Variants in ASAP2 observed in about 807,000 individuals in gnomAD.
ASAP2 encodes the protein arf-GAP with SH3 domain, ANK repeat and PH domain-containing protein 2.
Under a neutral mutation model 131.4 loss-of-function variants are expected in ASAP2, and 45 were observed. That is an observed-to-expected ratio of 0.34 (90% CI 0.27 to 0.44). The LOEUF (loss-of-function observed/expected upper bound fraction) is 0.44, where lower values mean the gene tolerates loss of function less well. Ranked by LOEUF, ASAP2 falls within the 20% of genes least tolerant of loss-of-function variation. ASAP2 has a pLI of 1.00. For synonymous variants in ASAP2, 510 were observed against 503.0 expected (o/e 1.01, Z -0.19); for missense variants, 1,011 against 1,297.0 (o/e 0.78, Z 3.39).
intron 1 of ASAP2, among the ~76,000 whole-genome samples, chr2:9,269,684 C>T (rs750289996): frequency 1.3e-4 from 20 of 152,240 alleles, no homozygotes; most frequent in African/African-American, 2.9e-4. Context: ...TGGGGACATT[C>T]AGAGGCCACT....
At chr2:9,348,916 G>A (rs560416457) in intron 11 of ASAP2, among the ~76,000 whole-genome samples, 5 of 152,244 alleles carry the variant, frequency 3.3e-5, no homozygotes, top group African/African-American at 9.6e-5. Context: ...GGATACCCAC[G>A]TCGAGGACAG....
intron 1 of ASAP2, among the ~76,000 whole-genome samples, chr2:9,233,410 T>G (rs1663305052): frequency 6.6e-6 from 1 of 152,246 alleles, no homozygotes; most frequent in Admixed American, 6.5e-5. Context: ...TTCTTTAGTG[T>G]TTTATAATCT....
intron 3 of ASAP2, among the ~76,000 whole-genome samples, chr2:9,316,447 A>G (rs1165741532): frequency 3.3e-5 from 5 of 152,172 alleles, no homozygotes; most frequent in Non-Finnish European, 7.3e-5. Context: ...GTATGAATGA[A>G]TACATAAGGT....
intron 12 of ASAP2, 38 bp from the exon 13 acceptor site, chr2:9,356,009 T>C (rs753179223): frequency 6.2e-7 from 1 of 1,609,858 alleles, no homozygotes; most frequent in African/African-American, 1.3e-5. Flanking sequence ...TATGGATTGC[T>C]GTCTGGGCTC....
intron 14 of ASAP2, among the ~76,000 whole-genome samples, chr2:9,357,548 AT>A (rs1672802815): frequency 6.6e-6 from 1 of 152,316 alleles, no homozygotes; most frequent in East Asian, 1.9e-4. Flanking sequence ...TAAGTAGTGA[AT>A]CATGGTCTTT....
intron 23 of ASAP2, among the ~76,000 whole-genome samples, chr2:9,391,821 G>T (rs150888713): frequency 6.6e-6 from 1 of 151,534 alleles, no homozygotes; most frequent in East Asian, 1.9e-4. Context: ...CTGACCTCAG[G>T]TGATCCACCT....
intron 2 of ASAP2, among the ~76,000 whole-genome samples, chr2:9,293,151 CTCTAAACTCTGTATGTACACAT>C (rs1470553584): frequency 6.6e-6 from 1 of 152,174 alleles, no homozygotes; most frequent in Admixed American, 6.5e-5. Flanking sequence ...TAGTCATTGC[CTCTAAACTCTGTATGTACACAT>C]GCATGCTGGC....
chr2:9,359,066 ACTT>A (rs1229668168), intron 15 of ASAP2, among the ~76,000 whole-genome samples, 177 bp downstream of exon 15: 2 of 152,196 alleles, frequency 1.3e-5, no homozygotes, highest in Non-Finnish European at 2.9e-5. Context: ...GGTTGAGGGC[ACTT>A]CTTGTTGCAA....
chr2:9,318,020 G>T (rs138447760), intron 3 of ASAP2, among the ~76,000 whole-genome samples: 14 of 151,998 alleles, frequency 9.2e-5, no homozygotes, highest in East Asian at 1.9e-4. Context: ...TTTCTCATTC[G>T]CACCCAGCAT....
intron 16 of ASAP2, among the ~76,000 whole-genome samples, chr2:9,370,591 T>TA (rs1388908499): frequency 2.0e-5 from 3 of 152,014 alleles, no homozygotes; most frequent in Non-Finnish European, 2.9e-5. Flanking sequence ...AGCTCTGTAA[T>TA]AAAAAAAGGG....
At chr2:9,305,441 G>T (rs1402222828) in intron 3 of ASAP2, among the ~76,000 whole-genome samples, 1 of 137,638 alleles carries the variant, frequency 7.3e-6, no homozygotes, top group African/African-American at 2.7e-5. Flanking sequence ...TGTAGTAGTG[G>T]GGTATAGATA....
intron 22 of ASAP2, among the ~76,000 whole-genome samples, chr2:9,390,094 T>C (rs993702871): frequency 1.2e-4 from 19 of 152,244 alleles, no homozygotes; most frequent in Admixed American, 4.6e-4. Flanking sequence ...TTTCCCGAAG[T>C]CTTGGAATTC....
intron 1 of ASAP2, among the ~76,000 whole-genome samples, chr2:9,252,277 T>A (rs1362436753): frequency 1.3e-5 from 2 of 151,978 alleles, no homozygotes; most frequent in African/African-American, 2.4e-5. Context: ...GTAGGAAGAG[T>A]CATTTTAAAT....
chr2:9,361,029 C>T (rs969530574), intron 15 of ASAP2, among the ~76,000 whole-genome samples: 5 of 152,176 alleles, frequency 3.3e-5, no homozygotes, highest in African/African-American at 4.8e-5. Flanking sequence ...GTTGTTCTGT[C>T]TTGATGAAAC....
intron 1 of ASAP2, among the ~76,000 whole-genome samples, chr2:9,244,253 G>A (rs550089020): frequency 2.0e-5 from 3 of 152,114 alleles, no homozygotes; most frequent in East Asian, 3.9e-4. Context: ...CCAAGATCGC[G>A]CCACTGCACT....
At chr2:9,228,799 C>G (rs1662953256) in intron 1 of ASAP2, among the ~76,000 whole-genome samples, 1 of 152,110 alleles carries the variant, frequency 6.6e-6, no homozygotes. Context: ...CTCAGTTGGC[C>G]AAGAAATTAT....
Position 9,335,286 on chromosome 2 carries a change from G to C in ASAP2, c.849+107G>C, listed in dbSNP as rs542117644. The C allele has an allele frequency of 2.2e-5, 19 of 874,946 alleles. No homozygotes were observed. In the East Asian group the frequency reaches 4.7e-4, roughly 21 times the overall value. 54.2% of individuals were successfully genotyped at this position (874,946 alleles called of 1,614,324 possible). ...CTTCTAGGAGCTCACAGTTCACTCG[G>C]GCTGTGTCAGGCACCAGTAAAACAT... On this transcript the variant is annotated intron_variant, in intron 9 of 27. Coordinates refer to ENST00000281419, the MANE Select transcript of ASAP2 (RefSeq NM_003887.3).
intron 1 of ASAP2, among the ~76,000 whole-genome samples, chr2:9,272,731 A>G (rs1666484404): frequency 6.6e-6 from 1 of 152,188 alleles, no homozygotes; most frequent in Non-Finnish European, 1.5e-5. Context: ...ATTTTTGTGT[A>G]TGGTGAAAGA....
chr2:9,368,642 GC>G, intron 16 of ASAP2, 123 bp downstream of exon 16: 2 of 756,250 alleles, frequency 2.6e-6, no homozygotes, highest in Non-Finnish European at 4.4e-6. Flanking sequence ...GAATAAATCA[GC>G]CTATGTTGGG....
Sources: gnomAD v4.1 joint callset for allele counts (sites outside exome capture counted in the v4.1 genomes callset) on GRCh38, gnomAD v4.1.1 for gene constraint, MANE v1.5 for transcripts, NCBI Gene and HGNC (gene_info 2026-07-23, HGNC 2026-07-21) for gene names.